SCARB1: variants seen among roughly 807,000 people sequenced by gnomAD.
SCARB1 encodes the protein scavenger receptor class B member 1.
SCARB1 carries 30 observed loss-of-function variants against 57.2 expected under a neutral mutation model. The observed-to-expected ratio is 0.52, with a 90% confidence interval of 0.39 to 0.71. SCARB1 has a LOEUF of 0.71. Among genes scored for constraint, SCARB1 ranks in the 30% least tolerant of loss-of-function variants. The pLI is 0.00. For missense variants in SCARB1, 543 were observed against 671.2 expected, an observed-to-expected ratio of 0.81 and a Z score of 2.11; for synonymous variants, 249 against 268.3, an observed-to-expected ratio of 0.93 and a Z score of 0.70.
intron 8 of SCARB1, among the ~76,000 whole-genome samples, chr12:124,798,815 G>C (rs1468541049): frequency 2.0e-5 from 3 of 150,646 alleles, no homozygotes; most frequent in Non-Finnish European, 4.4e-5. Context: ...CTGCACTCCA[G>C]CCTGGGTAAC....
Position 124,800,260 on chromosome 12 carries a change from A to T in SCARB1, c.1010-18T>A, listed in dbSNP as rs1950084138. 6.4e-7 allele frequency: 1 copy of T among 1,567,504 alleles called. No individual in the cohort carries two copies. Among genetic ancestry groups the T allele is most frequent in the African/African-American group, 1.4e-5 (1 of 73,532 alleles). ...GGGGGCACCTAGAAGAGGGGCAGGG[A>T]GGGGACATCAGACAAGGACAGTATA... On this transcript the variant is annotated intron_variant, in intron 7 of 12. Transcript: ENST00000261693. This position sits in a 1 kb window ranked among gnomAD's most constrained non-coding sequence, Gnocchi z 4.8.
chr12:124,814,148 G>A lies in SCARB1; in HGVS notation c.630+54C>T. On this transcript the variant is annotated intron_variant, in intron 4 of 12. Transcript: ENST00000261693. This position sits in a 1 kb window ranked among gnomAD's most constrained non-coding sequence, Gnocchi z 4.7. ...GGTGACCAGTGTCCAGGCTGTGTGA[G>A]GGGAAGACAGGACACAGGCCTGAAT... The A allele has an allele frequency of 2.0e-6, 3 of 1,527,478 alleles. No individual in the cohort carries two copies. The highest frequency in any genetic ancestry group is 2.7e-6 in the Non-Finnish European group (3 of 1,101,702). The allele number at this position is 1,527,478 out of a possible 1,614,324, so 94.6% of individuals were successfully genotyped here.
chr12:124,836,052 T>C (rs991196984), intron 1 of SCARB1, among the ~76,000 whole-genome samples: 2 of 152,192 alleles, frequency 1.3e-5, no homozygotes, highest in African/African-American at 4.8e-5. Context: ...CACTCAGTCA[T>C]TCATTCATTT....
intron 12 of SCARB1, among the ~76,000 whole-genome samples, chr12:124,778,954 T>A (rs1253854657): frequency 1.3e-5 from 2 of 152,058 alleles, no homozygotes; most frequent in African/African-American, 2.4e-5. Context: ...ATGTGTTGAT[T>A]TATTTTTTAT....
intron 12 of SCARB1, among the ~76,000 whole-genome samples, chr12:124,780,307 C>T (rs1021441879): frequency 6.6e-6 from 1 of 152,190 alleles, no homozygotes; most frequent in African/African-American, 2.4e-5. Context: ...TTTACCAAGC[C>T]CCCTGCCCTA....
chr12:124,843,169 A>T (rs1951976524), intron 1 of SCARB1, among the ~76,000 whole-genome samples: 1 of 151,976 alleles, frequency 6.6e-6, no homozygotes, highest in South Asian at 2.1e-4. Context: ...CTTATTTTTA[A>T]TGCCAGCCAG....
Position 124,817,569 on chromosome 12 carries a change from G to A in SCARB1, c.265C>T (p.Arg89Cys), listed in dbSNP as rs1479170069. ...CCTCACCTGTACACGTAGGGCCCGC[G>A]CTCCCGCACCTGCGGCTTCTCGCCC... ...LKGEKPQVRE[R>C]GPYVYREFRH... The change falls in exon 2 of 13, where the codon CGC becomes TGC. Residue 89 changes from arginine to cysteine, a missense_variant. Physicochemically the swap from Arg to Cys is radical, Grantham distance 180. Coordinates refer to ENST00000261693, the MANE Select transcript of SCARB1 (RefSeq NM_005505.5). This position sits in a 1 kb window ranked among gnomAD's most constrained non-coding sequence, Gnocchi z 4.8. 1.2e-6 allele frequency: 2 copies of A among 1,613,924 alleles called. No homozygotes were observed. Among genetic ancestry groups the A allele is most frequent in the African/African-American group, 2.7e-5 (2 of 74,904 alleles).
At chr12:124,856,314 G>A (rs558684879) in intron 1 of SCARB1, among the ~76,000 whole-genome samples, 14 of 152,306 alleles carry the variant, frequency 9.2e-5, no homozygotes, top group Admixed American at 5.2e-4. Context: ...TCATCACGTC[G>A]TCACACATCA....
chr12:124,834,801 G>A (rs1245798117), intron 1 of SCARB1, among the ~76,000 whole-genome samples: 2 of 152,130 alleles, frequency 1.3e-5, no homozygotes, highest in Non-Finnish European at 1.5e-5. Context: ...CCAGCTACTT[G>A]GGAGGCTGAG....
intron 1 of SCARB1, among the ~76,000 whole-genome samples, chr12:124,843,297 G>GT (rs386378075): frequency 8.1e-6 from 1 of 123,874 alleles, no homozygotes; most frequent in South Asian, 3.1e-4. Context: ...AGATGGGGGG[G>GT]GGGGTCTTAC....
At chr12:124,780,966 CAGCACTACG>C (rs2135519190) in intron 12 of SCARB1, among the ~76,000 whole-genome samples, 1 of 152,328 alleles carries the variant, frequency 6.6e-6, no homozygotes, top group South Asian at 2.1e-4. Context: ...AAACCGTGCA[CAGCACTACG>C]GTGTCCTGGA....
rs980759590 is a variant in SCARB1 at position 124,822,500 on chromosome 12, G to A, written c.127-4793C>T. The stretch of plus-strand genomic sequence containing the variant: ...GAGAAGCCAGACCAGTGGCTGCCGG[G>A]GACCGGGATGGAGGGAGGGGACTAA... On this transcript the variant is annotated intron_variant, in intron 1 of 12. Coordinates refer to ENST00000261693, the MANE Select transcript of SCARB1 (RefSeq NM_005505.5). The surrounding 1 kb of genome is among the most constrained non-coding windows in gnomAD (Gnocchi z 5.0). 2.1e-4 allele frequency among the ~76,000 whole-genome samples: 32 copies of A among 152,332 alleles called. No homozygotes were observed. Among genetic ancestry groups the A allele is most frequent in the African/African-American group, 5.1e-4 (21 of 41,576 alleles).
At position 124,777,883 on chromosome 12, in the gene SCARB1, G is replaced by A. The variant is rs563218671; in HGVS notation, c.*704C>T. Reference sequence around the variant, plus strand: ...GAGTGGCCGGCTCAGTCCATAGGATGATGTCAGTTTAGGCTGGAGGAAAAG... The same window carrying A: ...GAGTGGCCGGCTCAGTCCATAGGATAATGTCAGTTTAGGCTGGAGGAAAAG... On this transcript the variant is annotated 3_prime_UTR_variant, in exon 13 of 13. Transcript: ENST00000261693. The A allele has an allele frequency of 5.9e-4, 90 of 152,366 alleles. No individual in the cohort carries two copies. Among genetic ancestry groups the A allele is most frequent in the Non-Finnish European group, 1.2e-3 (81 of 68,160 alleles). 9.4% of individuals were successfully genotyped at this position (152,366 alleles called of 1,614,324 possible). A position where few individuals can be genotyped will look rare whatever the true frequency, so the allele number is the denominator to read the frequency against.
In SCARB1 at chr12:124,786,227, A is replaced by G. The variant is rs2293440; in HGVS notation, c.1401+130T>C. 115,609 of 1,598,270 alleles carry G rather than the reference A, an allele frequency of 0.072. 13,066 individuals carry two copies. The highest frequency in any genetic ancestry group is 0.44 in the East Asian group (19,653 of 44,838). ...CAGCAGTGACCGCTCCCACTCCGGC[A>G]GAGACGCAGGACTGCTGCTGGAGGT... On this transcript the variant is annotated intron_variant, in intron 11 of 12. Transcript: ENST00000261693.
chr12:124,791,935 CAA>C (rs1175681403), intron 9 of SCARB1, among the ~76,000 whole-genome samples: 2 of 150,708 alleles, frequency 1.3e-5, no homozygotes, highest in East Asian at 3.9e-4. Context: ...GCCTGGGCGA[CAA>C]GAGCAAGATC....
intron 1 of SCARB1, among the ~76,000 whole-genome samples, chr12:124,845,266 G>A (rs1165714133): frequency 6.6e-6 from 1 of 152,140 alleles, no homozygotes; most frequent in Non-Finnish European, 1.5e-5. Context: ...CAGTGCACCC[G>A]CACCGTGGAG....
chr12:124,801,768 A>G (rs771157967), intron 7 of SCARB1, among the ~76,000 whole-genome samples: 2 of 152,048 alleles, frequency 1.3e-5, no homozygotes, highest in Non-Finnish European at 1.5e-5. Context: ...CAGCCTGGAC[A>G]ATAGTTTTCG....
At position 124,812,363 on chromosome 12, in the gene SCARB1, C is replaced by A. The variant is rs1038138614; in HGVS notation, c.631-398G>T. ...TAAGGACTGTGCACACGCCTTTCAC[C>A]GGGCTCTCTGCCGCTGCTATAGCAG... On this transcript the variant is annotated intron_variant, in intron 4 of 12. Coordinates refer to ENST00000261693, the MANE Select transcript of SCARB1 (RefSeq NM_005505.5). This position sits in a 1 kb window ranked among gnomAD's most constrained non-coding sequence, Gnocchi z 4.3. Among the ~76,000 whole-genome samples, 7 of 152,186 alleles carry A rather than the reference C, an allele frequency of 4.6e-5. No homozygotes were observed. Among genetic ancestry groups the A allele is most frequent in the African/African-American group, 1.7e-4 (7 of 41,444 alleles).
intron 2 of SCARB1, among the ~76,000 whole-genome samples, chr12:124,815,861 C>T (rs1950693708): frequency 6.6e-6 from 1 of 151,802 alleles, no homozygotes; most frequent in African/African-American, 2.4e-5. Context: ...GAGACTCCGT[C>T]TCAAAAAAAA....
Sources: gnomAD v4.1 joint callset for allele counts (sites outside exome capture counted in the v4.1 genomes callset) on GRCh38, gnomAD v4.1.1 for gene constraint, Gnocchi (gnomAD v3.1) non-coding constraint, MANE v1.5 for transcripts, NCBI Gene and HGNC (gene_info 2026-07-23, HGNC 2026-07-21) for gene names.